Variants in TMEM26 observed in about 807,000 individuals in gnomAD.
TMEM26 encodes the protein transmembrane protein 26.
In TMEM26, 38 loss-of-function variants were observed where a neutral mutation model predicts 28.8. That is an observed-to-expected ratio of 1.32 (90% confidence interval 1.02 to 1.73). TMEM26 has a LOEUF of 1.73. TMEM26 is among the 40% of genes most tolerant of loss of function. The probability of loss-of-function intolerance (pLI) is 0.00; values close to 1 mark genes in which losing one functional copy is unlikely to be tolerated. For synonymous variants in TMEM26, 227 were observed against 182.9 expected (o/e 1.24, Z -1.95); for missense variants, 518 against 447.1 (o/e 1.16, Z -1.43).
At chr10:61,413,354 G>A (rs540897397) in intron 5 of TMEM26, 105 bp downstream of exon 5, 3 of 1,487,278 alleles carry the variant, frequency 2.0e-6, no homozygotes, top group Non-Finnish European at 1.8e-6. Context: ...ACTAATATTG[G>A]GATACAGACA....
At chr10:61,441,145 A>C (rs1332942045) in intron 1 of TMEM26, among the ~76,000 whole-genome samples, 1 of 152,116 alleles carries the variant, frequency 6.6e-6, no homozygotes, top group East Asian at 1.9e-4. Flanking sequence ...GAGCCTGCAT[A>C]TATGAAGGGC....
chr10:61,425,835 C>T (rs1839822559), intron 4 of TMEM26, among the ~76,000 whole-genome samples: 1 of 152,048 alleles, frequency 6.6e-6, no homozygotes, highest in Admixed American at 6.6e-5. Context: ...TCATGCATTG[C>T]TGGTGGGAAT....
At chr10:61,438,346 G>T (rs978482362) in intron 1 of TMEM26, among the ~76,000 whole-genome samples, 1 of 152,168 alleles carries the variant, frequency 6.6e-6, no homozygotes, top group Admixed American at 6.5e-5. Flanking sequence ...GAAACATCAG[G>T]AGATAATATT....
rs764930208 is a variant in TMEM26 at position 61,412,865 on chromosome 10, T to C, written c.682+594A>G. ...TAGATTATTGCTAGTATAAAATGCC[T>C]GGGAAACAGATTACTTCTTGCAAAA... On this transcript the variant is annotated intron_variant, in intron 5 of 5. Transcript: ENST00000399298. 5 of 1,135,382 alleles carry C rather than the reference T, an allele frequency of 4.4e-6. No individual in the cohort carries two copies. In the South Asian group the frequency reaches 5.6e-5, roughly 13 times the overall value. 70.3% of individuals were successfully genotyped at this position (1,135,382 alleles called of 1,614,324 possible).
intron 1 of TMEM26, among the ~76,000 whole-genome samples, chr10:61,449,866 G>A (rs1177941445): frequency 6.6e-6 from 1 of 151,666 alleles, no homozygotes; most frequent in African/African-American, 2.4e-5. Flanking sequence ...TGATACAAAG[G>A]ACAATTCTTT....
rs1360394276 is a variant in TMEM26 at position 61,452,981 on chromosome 10, G to A, written c.101C>T (p.Pro34Leu). Residue 34 changes from proline to leucine, a missense_variant, in exon 1 of 6, where the codon CCG (proline) becomes CTG (leucine). Physicochemically the swap from Pro to Leu is moderately conservative, Grantham distance 98. Transcript: ENST00000399298. ...VWRVTEVKKE[P>L]RYWLLALLNL... is the part of the protein sequence containing the mutation. Reference sequence around the variant, plus strand: ...GAGCAGCGCAAGCAGCCAGTACCGCGGCTCCTTCTTCACCTCGGTCACTCG... The same window carrying A: ...GAGCAGCGCAAGCAGCCAGTACCGCAGCTCCTTCTTCACCTCGGTCACTCG... 3.1e-6 allele frequency: 5 copies of A among 1,614,048 alleles called. No individual in the cohort carries two copies. The South Asian group carries it at 5.5e-5, about 18-fold the overall frequency.
At position 61,439,070 on chromosome 10, in the gene TMEM26, G is replaced by C. The variant is rs149239291; in HGVS notation, c.192-2822C>G. 1.4e-3 allele frequency among the ~76,000 whole-genome samples: 207 copies of C among 152,280 alleles called. 1 individual carries two copies. In the East Asian group the frequency reaches 0.035, roughly 26 times the overall value. ...TGCTCTTTTAGTTTGGTTAATCTAAGGAGCGAGGTTCTGCAATGGTTTTAC... is the reference window on the plus strand; with the variant it reads ...TGCTCTTTTAGTTTGGTTAATCTAACGAGCGAGGTTCTGCAATGGTTTTAC... On this transcript the variant is annotated intron_variant, in intron 1 of 5. Transcript: ENST00000399298.
At chr10:61,438,603 C>T (rs998150101) in intron 1 of TMEM26, among the ~76,000 whole-genome samples, 4 of 152,152 alleles carry the variant, frequency 2.6e-5, no homozygotes, top group African/African-American at 9.7e-5. Flanking sequence ...TTAACATCTT[C>T]TATGCATAAC....
At chr10:61,425,338 C>T (rs1350927674) in intron 4 of TMEM26, among the ~76,000 whole-genome samples, 1 of 152,012 alleles carries the variant, frequency 6.6e-6, no homozygotes, top group Non-Finnish European at 1.5e-5. Context: ...GGGACACAGC[C>T]AAACCATATC....
At chr10:61,411,983 T>C (rs902980358) in intron 5 of TMEM26, among the ~76,000 whole-genome samples, 5 of 152,180 alleles carry the variant, frequency 3.3e-5, no homozygotes, top group Non-Finnish European at 5.9e-5. Flanking sequence ...TTACAAAATG[T>C]CTTTCTTAAA....
In TMEM26 at chr10:61,407,034, A is replaced by C. The variant is rs1307379235; in HGVS notation, c.*3288T>G. Reference sequence around the variant, plus strand: ...TTTGGTGTTTCATTTGCGTCTCTGTAGTATACGTCACCATCCCTCTTTCTT... The same window carrying C: ...TTTGGTGTTTCATTTGCGTCTCTGTCGTATACGTCACCATCCCTCTTTCTT... On this transcript the variant is annotated 3_prime_UTR_variant, in exon 6 of 6. Coordinates refer to ENST00000399298, the MANE Select transcript of TMEM26 (RefSeq NM_178505.8). The C allele has an allele frequency of 6.6e-6, 1 of 152,088 alleles. No homozygotes were observed. The highest frequency in any genetic ancestry group is 2.4e-5 in the African/African-American group (1 of 41,496). 9.4% of individuals were successfully genotyped at this position (152,088 alleles called of 1,614,324 possible). A position where few individuals can be genotyped will look rare whatever the true frequency, so the allele number is the denominator to read the frequency against.
At chr10:61,418,066 T>A (rs534199988) in intron 4 of TMEM26, among the ~76,000 whole-genome samples, 2 of 151,940 alleles carry the variant, frequency 1.3e-5, no homozygotes, top group South Asian at 4.2e-4. Context: ...TATCCCCAGC[T>A]TGGCTATTTT....
chr10:61,441,453 GTCTGTGCAAT>G (rs1323539849), intron 1 of TMEM26, among the ~76,000 whole-genome samples: 1 of 152,100 alleles, frequency 6.6e-6, no homozygotes, highest in Non-Finnish European at 1.5e-5. Context: ...ATCATGTGTT[GTCTGTGCAAT>G]TCATTTTTAG....
chr10:61,415,584 T>C (rs1164220930), intron 4 of TMEM26, among the ~76,000 whole-genome samples: 2 of 151,920 alleles, frequency 1.3e-5, no homozygotes, highest in Non-Finnish European at 2.9e-5. Flanking sequence ...TAAAAGAGAG[T>C]TGAGGAAATT....
chr10:61,430,990 C>T (rs1436632551), intron 3 of TMEM26, among the ~76,000 whole-genome samples: 2 of 151,852 alleles, frequency 1.3e-5, no homozygotes, highest in East Asian at 1.9e-4. Flanking sequence ...CTTAATGATG[C>T]AGGTTAAATA....
chr10:61,436,551 T>A (rs1280095459), intron 1 of TMEM26, among the ~76,000 whole-genome samples: 2 of 152,226 alleles, frequency 1.3e-5, no homozygotes. Flanking sequence ...CCAATTAGTT[T>A]CAGGCACAAC....
chr10:61,428,509 T>C (rs1359429061), intron 4 of TMEM26, among the ~76,000 whole-genome samples: 1 of 152,124 alleles, frequency 6.6e-6, no homozygotes, highest in Non-Finnish European at 1.5e-5. Flanking sequence ...CTCAGTGCTC[T>C]CTTAAACTGT....
At chr10:61,436,114 C>T (rs915846703) in intron 2 of TMEM26, 56 bp downstream of exon 2, 101 of 1,122,846 alleles carry the variant, frequency 9.0e-5, no homozygotes, top group Non-Finnish European at 1.1e-4. Context: ...CTGGATCATA[C>T]TGTGAAAGTA....
At chr10:61,452,712 G>T in intron 1 of TMEM26, 179 bp downstream of exon 1, 1 of 679,736 alleles carries the variant, frequency 1.5e-6, no homozygotes, top group African/African-American at 1.8e-5. Flanking sequence ...GGGACCCTAG[G>T]GTGGCCCTGG....
Sources: allele counts gnomAD v4.1 joint callset (sites outside exome capture counted in the v4.1 genomes callset), GRCh38; gene constraint gnomAD v4.1.1; transcripts MANE v1.5; gene names NCBI Gene and HGNC (gene_info 2026-07-23, HGNC 2026-07-21).